PLXNA4: variants seen among roughly 807,000 people sequenced by gnomAD.
PLXNA4 encodes the protein plexin A4.
Under a neutral mutation model 191.8 loss-of-function variants are expected in PLXNA4, and 44 were observed. The observed-to-expected ratio is 0.23, with a 90% CI of 0.18 to 0.29. PLXNA4 has a LOEUF of 0.29. PLXNA4 is among the 10% of genes least tolerant of loss of function. The probability of loss-of-function intolerance (pLI) is 1.00; values close to 1 mark genes in which losing one functional copy is unlikely to be tolerated. For missense variants in PLXNA4, 1,800 were observed against 2,488.8 expected, an observed-to-expected ratio of 0.72 and a Z score of 5.89; for synonymous variants, 1,082 against 1,009.5, an observed-to-expected ratio of 1.07 and a Z score of -1.36.
chr7:132,377,584 G>T (rs1204957431), intron 3 of PLXNA4, among the ~76,000 whole-genome samples: 1 of 152,128 alleles, frequency 6.6e-6, no homozygotes, highest in Non-Finnish European at 1.5e-5. Context: ...AGAAGATGGG[G>T]TACCACAGCC....
intron 2 of PLXNA4, among the ~76,000 whole-genome samples, chr7:132,621,905 T>C (rs139537677): frequency 1.9e-3 from 292 of 152,336 alleles, no homozygotes; most frequent in African/African-American, 6.8e-3. Context: ...TGCTGCTATT[T>C]AACATAATTT....
intron 3 of PLXNA4, among the ~76,000 whole-genome samples, chr7:132,441,017 T>C (rs1795679781): frequency 6.6e-6 from 1 of 152,236 alleles, no homozygotes; most frequent in Admixed American, 6.5e-5. Flanking sequence ...TAAGTATTAT[T>C]ATTTCCATTT....
chr7:132,440,495 A>G (rs1315051439), intron 3 of PLXNA4, among the ~76,000 whole-genome samples: 1 of 152,204 alleles, frequency 6.6e-6, no homozygotes, highest in East Asian at 1.9e-4. Flanking sequence ...CATTGTCCAG[A>G]GGCAAGAGAT....
At chr7:132,631,058 G>T (rs914205140) in intron 2 of PLXNA4, among the ~76,000 whole-genome samples, 1 of 152,178 alleles carries the variant, frequency 6.6e-6, no homozygotes, top group Non-Finnish European at 1.5e-5. Context: ...AAGTGTCTGG[G>T]ATGGAGTCCA....
rs114459071 is a variant in PLXNA4 at position 132,485,553 on chromosome 7, C to T, written c.1371+3739G>A. 3.2e-3 allele frequency among the ~76,000 whole-genome samples: 482 copies of T among 152,322 alleles called. 4 individuals are homozygous for T. The highest frequency in any genetic ancestry group is 0.011 in the African/African-American group (463 of 41,572). Reference sequence around the variant, plus strand: ...GCAAAGAAATCTCGTGCTTCTGAGACAACACTGAGCTGATTGTCCCAACTC... The same window carrying T: ...GCAAAGAAATCTCGTGCTTCTGAGATAACACTGAGCTGATTGTCCCAACTC... On this transcript the variant is annotated intron_variant, in intron 3 of 31. Transcript: ENST00000321063.
At chr7:132,506,243 A>C (rs1020808482) in intron 2 of PLXNA4, among the ~76,000 whole-genome samples, 3 of 151,942 alleles carry the variant, frequency 2.0e-5, no homozygotes, top group Non-Finnish European at 2.9e-5. Context: ...GCCTCTCCAC[A>C]CTCTGGCTGG....
intron 3 of PLXNA4, chr7:132,384,462 T>C: frequency 2.0e-6 from 2 of 985,760 alleles, no homozygotes; most frequent in Non-Finnish European, 2.4e-6. Flanking sequence ...TGCTGGATAG[T>C]GGCCATGCAG....
At chr7:132,306,586 T>C (rs759921856) in intron 3 of PLXNA4, among the ~76,000 whole-genome samples, 5 of 152,194 alleles carry the variant, frequency 3.3e-5, no homozygotes, top group Non-Finnish European at 7.3e-5. Context: ...CCCTCATCAC[T>C]GTCACTTGGC....
intron 1 of PLXNA4, among the ~76,000 whole-genome samples, chr7:132,553,168 C>A (rs900290288): frequency 1.3e-5 from 2 of 152,190 alleles, no homozygotes; most frequent in African/African-American, 4.8e-5. Context: ...CTTGCAGATG[C>A]GTCCTGAGAT....
chr7:132,303,776 C>A (rs768177879), intron 3 of PLXNA4, among the ~76,000 whole-genome samples: 28 of 152,160 alleles, frequency 1.8e-4, no homozygotes, highest in Non-Finnish European at 3.1e-4. Flanking sequence ...GTGGTAAGTG[C>A]CAGCCCCGCC....
At chr7:132,182,403 C>T (rs932100489) in intron 16 of PLXNA4, among the ~76,000 whole-genome samples, 5 of 152,084 alleles carry the variant, frequency 3.3e-5, no homozygotes, top group African/African-American at 4.8e-5. Context: ...ATGTCCGTGG[C>T]CATCCTTTGC....
intron 1 of PLXNA4, among the ~76,000 whole-genome samples, chr7:132,531,235 G>A (rs1011920532): frequency 6.6e-6 from 1 of 152,120 alleles, no homozygotes; most frequent in East Asian, 1.9e-4. Context: ...TATGTTTTAT[G>A]TACTCTACCA....
rs200836702 is a variant in PLXNA4 at position 132,226,271 on chromosome 7, A to G, written c.1883-11T>C. On this transcript the variant is annotated splice_polypyrimidine_tract_variant and intron_variant, in intron 7 of 31. Coordinates refer to ENST00000321063, the MANE Select transcript of PLXNA4 (RefSeq NM_020911.2). The stretch of plus-strand genomic sequence containing the variant: ...CGACATGGTGGTCCCCTACAAGGAG[A>G]GATGGCTGAGGGGTCAGGGAATGCT... 5.3e-5 allele frequency: 85 copies of G among 1,607,968 alleles called. No individual in the cohort carries two copies. The highest frequency in any genetic ancestry group is 3.2e-4 in the Admixed American group (19 of 59,898).
chr7:132,263,252 T>C (rs1378979105), intron 4 of PLXNA4, among the ~76,000 whole-genome samples: 2 of 152,148 alleles, frequency 1.3e-5, no homozygotes, highest in African/African-American at 4.8e-5. Context: ...CCACCACCAG[T>C]GGGGTGGGGA....
chr7:132,498,204 GATT>G (rs1798106145), intron 2 of PLXNA4, among the ~76,000 whole-genome samples: 2 of 152,138 alleles, frequency 1.3e-5, no homozygotes, highest in Admixed American at 6.6e-5. Context: ...TCTATTTTAT[GATT>G]ATTATTACTG....
rs116800361 is a variant in PLXNA4, at chr7:132,545,385, G to C, written c.-87+31037C>G. On this transcript the variant is annotated intron_variant, in intron 1 of 31. Coordinates refer to ENST00000321063, the MANE Select transcript of PLXNA4 (RefSeq NM_020911.2). The stretch of plus-strand genomic sequence containing the variant: ...GCTCCCTGTGGGTTGGGCCATGTTT[G>C]CCACTCACACTGAACCCCCAGCACC... Among the ~76,000 whole-genome samples, 350 of 152,290 alleles carry C rather than the reference G, an allele frequency of 2.3e-3. 2 individuals carry two copies. The highest frequency in any genetic ancestry group is 8.1e-3 in the African/African-American group (336 of 41,548).
At chr7:132,152,729 G>A (rs1198598114) in intron 25 of PLXNA4, among the ~76,000 whole-genome samples, 2 of 152,254 alleles carry the variant, frequency 1.3e-5, no homozygotes, top group East Asian at 3.8e-4. Flanking sequence ...GGGGCACAGT[G>A]AGAAGCTGGA....
chr7:132,208,105 C>A (rs1467361161), intron 10 of PLXNA4, among the ~76,000 whole-genome samples: 2 of 152,156 alleles, frequency 1.3e-5, no homozygotes, highest in Non-Finnish European at 2.9e-5. Context: ...CGATCATGAC[C>A]CCAAAGATAT....
chr7:132,224,839 A>C (rs1798261920), intron 8 of PLXNA4, among the ~76,000 whole-genome samples: 1 of 152,242 alleles, frequency 6.6e-6, no homozygotes, highest in South Asian at 2.1e-4. Flanking sequence ...CACAGCTGCC[A>C]TAAGCAGATC....
Sources: allele counts gnomAD v4.1 joint callset (sites outside exome capture counted in the v4.1 genomes callset), GRCh38; gene constraint gnomAD v4.1.1; transcripts MANE v1.5; gene names NCBI Gene and HGNC (gene_info 2026-07-23, HGNC 2026-07-21).